The following GLIS3 variants were observed in gnomAD, a reference collection of about 807,000 sequenced individuals.
GLIS3 encodes zinc finger protein GLIS3.
Under a neutral mutation model 78.6 loss-of-function variants are expected in GLIS3, and 53 were observed. The observed-to-expected ratio is 0.67, with a 90% CI of 0.54 to 0.85. GLIS3 has a LOEUF of 0.85. GLIS3 is among the 40% of genes least tolerant of loss of function. The pLI is 0.00. For missense variants in GLIS3, 1,703 were observed against 1,231.1 expected, an observed-to-expected ratio of 1.38 and a Z score of -5.74; for synonymous variants, 684 against 509.9, an observed-to-expected ratio of 1.34 and a Z score of -4.60.
chr9:4,267,260 C>T (rs1407164763), intron 2 of GLIS3, among the ~76,000 whole-genome samples: 1 of 152,094 alleles, frequency 6.6e-6, no homozygotes, highest in Admixed American at 6.6e-5. Context: ...GGTATCTGGA[C>T]TCCAGGTCTC....
intron 4 of GLIS3, among the ~76,000 whole-genome samples, chr9:4,077,196 C>T (rs1401220301): frequency 6.6e-6 from 1 of 152,150 alleles, no homozygotes; most frequent in Non-Finnish European, 1.5e-5. Flanking sequence ...TTGTCAGCAA[C>T]TTTGAAATTA....
chr9:4,445,448 G>A, the GLIS3 span, among the ~76,000 whole-genome samples: 3 of 152,064 alleles, frequency 2.0e-5, no homozygotes, highest in Non-Finnish European at 4.4e-5. Context: ...GCAACATAGT[G>A]GGACCTAGTC....
At chr9:4,378,305 T>G in the GLIS3 span, among the ~76,000 whole-genome samples, 7 of 152,014 alleles carry the variant, frequency 4.6e-5, no homozygotes. Flanking sequence ...CAATGAACAC[T>G]TTTTTAGTAT....
chr9:4,488,269 A>G, the GLIS3 span, among the ~76,000 whole-genome samples: 6 of 152,022 alleles, frequency 3.9e-5, no homozygotes, highest in Admixed American at 3.9e-4. Flanking sequence ...TGTTTATTTT[A>G]CACACATGTG....
At chr9:4,275,345 T>C (rs1283489889) in intron 2 of GLIS3, among the ~76,000 whole-genome samples, 1 of 152,170 alleles carries the variant, frequency 6.6e-6, no homozygotes, top group East Asian at 1.9e-4. Flanking sequence ...AAGTATACTT[T>C]TTCAGGAATG....
the GLIS3 span, among the ~76,000 whole-genome samples, chr9:4,385,753 GAAAGAAAGAAAGAAAGAA>G: frequency 9.6e-5 from 1 of 10,404 alleles, no homozygotes; most frequent in Non-Finnish European, 2.1e-4. Flanking sequence ...AAGAAAGAAA[GAAAGAAAGAAAGAAAGAA>G]AGAAAGAAAG....
chr9:3,857,711 G>A (rs1819881710), intron 8 of GLIS3, among the ~76,000 whole-genome samples: 1 of 152,152 alleles, frequency 6.6e-6, no homozygotes, highest in Non-Finnish European at 1.5e-5. Context: ...GCACCGTGCT[G>A]AGTAAATACA....
At chr9:4,191,885 A>T (rs1586930466) in intron 2 of GLIS3, among the ~76,000 whole-genome samples, 1 of 152,034 alleles carries the variant, frequency 6.6e-6, no homozygotes, top group East Asian at 1.9e-4. Context: ...AATATTAAAT[A>T]TTAATTAATA....
intron 8 of GLIS3, among the ~76,000 whole-genome samples, chr9:3,859,206 G>GCAAA (rs760667978): frequency 3.9e-5 from 6 of 152,114 alleles, no homozygotes; most frequent in Non-Finnish European, 7.4e-5. Context: ...TGGTGCAAAA[G>GCAAA]CAAACAAACA....
intron 2 of GLIS3, among the ~76,000 whole-genome samples, chr9:4,238,247 G>A (rs1482503911): frequency 6.6e-6 from 1 of 151,954 alleles, no homozygotes; most frequent in Non-Finnish European, 1.5e-5. Context: ...AAAGGAGGGA[G>A]GTGATCTCTT....
chr9:3,948,981 A>T (rs1195018821), intron 4 of GLIS3, among the ~76,000 whole-genome samples: 13 of 152,208 alleles, frequency 8.5e-5, no homozygotes, highest in Admixed American at 5.2e-4. Flanking sequence ...GGAAATTGAG[A>T]CATAGAGAGG....
At chr9:4,335,721 T>C (rs887586098) in intron 2 of GLIS3, among the ~76,000 whole-genome samples, 2 of 152,186 alleles carry the variant, frequency 1.3e-5, no homozygotes, top group Non-Finnish European at 2.9e-5. Context: ...AGACCTCTCT[T>C]AGAGGCATCC....
intron 2 of GLIS3, among the ~76,000 whole-genome samples, chr9:4,209,854 T>C (rs1391535707): frequency 6.6e-6 from 1 of 150,672 alleles, no homozygotes; most frequent in Non-Finnish European, 1.5e-5. Context: ...TCTCCAAGCA[T>C]TGGCAAAATC....
intron 2 of GLIS3, 137 bp downstream of exon 2, chr9:4,285,901 A>G (rs1224089796): frequency 2.9e-6 from 3 of 1,045,422 alleles, no homozygotes; most frequent in Admixed American, 3.5e-5. Context: ...TGAGCAAGCT[A>G]TATATCATTA....
At chr9:3,829,661 C>T (rs944807275) in intron 9 of GLIS3, among the ~76,000 whole-genome samples, 169 bp from the exon 10 acceptor site, 1 of 152,146 alleles carries the variant, frequency 6.6e-6, no homozygotes, top group African/African-American at 2.4e-5. Flanking sequence ...CACTGTTGGG[C>T]TGAAGCTCTT....
chr9:4,120,702 T>C (rs1431960017), intron 3 of GLIS3, among the ~76,000 whole-genome samples: 6 of 152,188 alleles, frequency 3.9e-5, no homozygotes, highest in African/African-American at 7.2e-5. Flanking sequence ...AGAAGGTTCA[T>C]AGAACATAAA....
At chr9:4,144,811 C>G (rs997330126) in intron 2 of GLIS3, 2 of 152,166 alleles carry the variant, frequency 1.3e-5, no homozygotes, top group Non-Finnish European at 2.9e-5. Context: ...GTAAACATAA[C>G]TCACAATGAG....
the GLIS3 span, among the ~76,000 whole-genome samples, chr9:4,405,000 G>C: frequency 6.6e-6 from 1 of 152,046 alleles, no homozygotes; most frequent in South Asian, 2.1e-4. Context: ...AAAAAGAGGG[G>C]AGACCCAAAT....
intron 2 of GLIS3, among the ~76,000 whole-genome samples, chr9:4,235,540 A>C (rs1408766803): frequency 6.6e-6 from 1 of 152,192 alleles, no homozygotes; most frequent in Non-Finnish European, 1.5e-5. Context: ...AACAGAGCAG[A>C]AGAATTCATT....
Sources: allele counts gnomAD v4.1 joint callset (sites outside exome capture counted in the v4.1 genomes callset), GRCh38; gene constraint gnomAD v4.1.1; transcripts MANE v1.5; gene names NCBI Gene and HGNC (gene_info 2026-07-23, HGNC 2026-07-21).